Variants in UGT1A10 observed in about 807,000 individuals in gnomAD.
The protein encoded by UGT1A10 is UDP-glucuronosyltransferase 1A10.
In UGT1A10, 49 loss-of-function variants were observed where a neutral mutation model predicts 45.8. That is an observed-to-expected ratio of 1.07 (90% CI 0.85 to 1.36). The LOEUF (loss-of-function observed/expected upper bound fraction) is 1.36, where lower values mean the gene tolerates loss of function less well. Ranked by LOEUF, UGT1A10 falls within the 40% of genes most tolerant of loss-of-function variation. The pLI, the probability that UGT1A10 is intolerant of heterozygous loss-of-function variation, is 0.00. For missense variants in UGT1A10, 745 were observed against 668.6 expected (o/e 1.11, Z -1.26); for synonymous variants, 284 against 249.7 (o/e 1.14, Z -1.29).
chr2:233,755,791 C>G (rs1696023449), intron 1 of UGT1A10: 1 of 152,376 alleles, frequency 6.6e-6, no homozygotes, highest in Non-Finnish European at 1.5e-5. Flanking sequence ...ATCATATGTA[C>G]TGCATTAGAG....
intron 2 of UGT1A10, among the ~76,000 whole-genome samples, chr2:233,767,578 TTCCCTTAAAGTGC>T (rs1361254822): frequency 6.6e-6 from 1 of 152,218 alleles, no homozygotes; most frequent in African/African-American, 2.4e-5. Context: ...TAAGCAAACT[TTCCCTTAAAGTGC>T]AGGAAAGTGA....
intron 1 of UGT1A10, chr2:233,691,625 G>C (rs2075050475): frequency 1.0e-6 from 1 of 985,518 alleles, no homozygotes. Flanking sequence ...CCTCAGCAGT[G>C]TGGTTAGCAG....
intron 1 of UGT1A10, among the ~76,000 whole-genome samples, chr2:233,685,021 G>A (rs1484971978): frequency 6.6e-6 from 1 of 152,164 alleles, no homozygotes; most frequent in African/African-American, 2.4e-5. Flanking sequence ...GTATGTGTCT[G>A]TATGTGCAGG....
chr2:233,713,344 A>C (rs925382549), intron 1 of UGT1A10: 1 of 1,614,206 alleles, frequency 6.2e-7, no homozygotes, highest in African/African-American at 1.3e-5. Flanking sequence ...GCAATTATGA[A>C]CAATATGTCT....
At chr2:233,701,809 A>T (rs552807305) in intron 1 of UGT1A10, among the ~76,000 whole-genome samples, 1 of 152,348 alleles carries the variant, frequency 6.6e-6, no homozygotes, top group South Asian at 2.1e-4. Flanking sequence ...GAACAAAGAC[A>T]CAACATACCA....
At chr2:233,656,448 G>T (rs571052320) in intron 1 of UGT1A10, among the ~76,000 whole-genome samples, 1 of 152,288 alleles carries the variant, frequency 6.6e-6, no homozygotes, top group Non-Finnish European at 1.5e-5. Flanking sequence ...GTCCGGTGGA[G>T]GTGCACTTGT....
At chr2:233,742,811 A>G (rs1335727618) in intron 1 of UGT1A10, 2 of 153,508 alleles carry the variant, frequency 1.3e-5, no homozygotes, top group Non-Finnish European at 2.9e-5. Flanking sequence ...AAGTATTGAT[A>G]TTATTTGTAG....
intron 1 of UGT1A10, among the ~76,000 whole-genome samples, chr2:233,715,235 G>A (rs1381956568): frequency 1.3e-5 from 2 of 152,090 alleles, no homozygotes; most frequent in Non-Finnish European, 2.9e-5. Flanking sequence ...CCAATTCTGT[G>A]AAGGATGTCT....
At chr2:233,705,008 C>T (rs750205782) in intron 1 of UGT1A10, among the ~76,000 whole-genome samples, 15 of 151,968 alleles carry the variant, frequency 9.9e-5, no homozygotes, top group African/African-American at 1.7e-4. Context: ...TGGTGGCAGG[C>T]GCCTGTAATC....
At chr2:233,746,129 C>T (rs191765409) in intron 1 of UGT1A10, among the ~76,000 whole-genome samples, 2 of 151,948 alleles carry the variant, frequency 1.3e-5, no homozygotes, top group East Asian at 3.9e-4. Flanking sequence ...AAACTGTGGA[C>T]TGGCACCTGA....
intron 1 of UGT1A10, among the ~76,000 whole-genome samples, chr2:233,645,978 C>T (rs1010991824): frequency 1.3e-5 from 2 of 152,214 alleles, no homozygotes; most frequent in Non-Finnish European, 2.9e-5. Flanking sequence ...GGTCCTGCCC[C>T]TGCAGCAAAC....
chr2:233,706,539 T>G (rs1295467367), intron 1 of UGT1A10, among the ~76,000 whole-genome samples: 2 of 152,120 alleles, frequency 1.3e-5, no homozygotes, highest in Non-Finnish European at 2.9e-5. Context: ...AAACACAGCT[T>G]TTTTTCTAGG....
intron 1 of UGT1A10, among the ~76,000 whole-genome samples, chr2:233,649,662 A>G (rs1004218656): frequency 6.6e-6 from 1 of 152,164 alleles, no homozygotes; most frequent in African/African-American, 2.4e-5. Context: ...TTTACTTTGG[A>G]TGCAACATAG....
chr2:233,747,183 G>A (rs1016025766), intron 1 of UGT1A10: 1 of 1,602,336 alleles, frequency 6.2e-7, no homozygotes, highest in South Asian at 1.1e-5. Flanking sequence ...AGCGTGGGGT[G>A]GACAGTCAGC....
In UGT1A10 at chr2:233,724,159, G is replaced by T. The variant is rs1253730217; in HGVS notation, c.856-42875G>T. Among the ~76,000 whole-genome samples the T allele has an allele frequency of 6.2e-4, 77 of 124,140 alleles. 1 individual carries two copies. Among genetic ancestry groups the T allele is most frequent in the African/African-American group, 2.5e-3 (70 of 28,440 alleles). The allele number at this position is 124,140 out of a possible 152,430, so 81.4% of individuals were successfully genotyped here. A position where few individuals can be genotyped will look rare whatever the true frequency, so the allele number is the denominator to read the frequency against. On this transcript the variant is annotated intron_variant, in intron 1 of 4. Transcript: ENST00000344644. Reference sequence around the variant, plus strand: ...GACGGGGCGGCTGGCCGGGTGGGGGGGCTGACCCCCCCATCTCCCTCCCGG... The same window carrying T: ...GACGGGGCGGCTGGCCGGGTGGGGGTGCTGACCCCCCCATCTCCCTCCCGG...
chr2:233,655,388 G>T (rs1365307038), intron 1 of UGT1A10, among the ~76,000 whole-genome samples: 1 of 152,110 alleles, frequency 6.6e-6, no homozygotes, highest in African/African-American at 2.4e-5. Context: ...TCCCCAAGGA[G>T]CAGGGACAGC....
At chr2:233,761,732 T>TC (rs1575783874) in intron 1 of UGT1A10, among the ~76,000 whole-genome samples, 1 of 152,336 alleles carries the variant, frequency 6.6e-6, no homozygotes, top group East Asian at 1.9e-4. Flanking sequence ...GGTTTATTTT[T>TC]CCCCTACAGA....
At position 233,747,396 on chromosome 2, in the gene UGT1A10, A is replaced by G. The variant is rs537889953; in HGVS notation, c.856-19638A>G. 2.9e-5 allele frequency: 46 copies of G among 1,606,394 alleles called. 2 individuals carry two copies. In the African/African-American group the frequency reaches 5.6e-4, roughly 20 times the overall value. On this transcript the variant is annotated intron_variant, in intron 1 of 4. Coordinates refer to ENST00000344644, the MANE Select transcript of UGT1A10 (RefSeq NM_019075.4). ...CAGAGGCCACCAGGCGGTGGTCCTCACCCCAGAGGTGAATATGCACATCAA... is the reference window on the plus strand; with the variant it reads ...CAGAGGCCACCAGGCGGTGGTCCTCGCCCCAGAGGTGAATATGCACATCAA...
chr2:233,670,451 T>A (rs1167495282), intron 1 of UGT1A10, among the ~76,000 whole-genome samples: 1 of 152,264 alleles, frequency 6.6e-6, no homozygotes, highest in Non-Finnish European at 1.5e-5. Flanking sequence ...TTAGTTTCAG[T>A]GCCCATTCAT....
Sources: gnomAD v4.1 joint callset for allele counts (sites outside exome capture counted in the v4.1 genomes callset) on GRCh38, gnomAD v4.1.1 for gene constraint, MANE v1.5 for transcripts, NCBI Gene and HGNC (gene_info 2026-07-23, HGNC 2026-07-21) for gene names.